TOP6BL: variants seen among roughly 807,000 people sequenced by gnomAD.
TOP6BL encodes the protein type 2 DNA topoisomerase 6 subunit B-like.
the TOP6BL span, among the ~76,000 whole-genome samples, chr11:66,837,081 T>C: frequency 6.6e-6 from 1 of 152,216 alleles, no homozygotes. Context: ...TCTCCCATTC[T>C]TGTGGATTGA....
the TOP6BL span, among the ~76,000 whole-genome samples, chr11:66,760,149 C>G: frequency 6.6e-6 from 1 of 152,106 alleles, no homozygotes; most frequent in Non-Finnish European, 1.5e-5. Context: ...TCTGTCCTTG[C>G]TTTAAGAAAA....
At chr11:66,834,541 G>A in the TOP6BL span, among the ~76,000 whole-genome samples, 1 of 152,180 alleles carries the variant, frequency 6.6e-6, no homozygotes, top group Non-Finnish European at 1.5e-5. Context: ...TAGAATAGCT[G>A]ACCTCTTGAG....
the TOP6BL span, among the ~76,000 whole-genome samples, chr11:66,745,314 T>TGGGGGG: frequency 1.8e-5 from 2 of 111,052 alleles, no homozygotes; most frequent in South Asian, 3.3e-4. Context: ...CGGGGCGGGG[T>TGGGGGG]GGGGGGAGTC....
chr11:66,779,792 G>A, the TOP6BL span, among the ~76,000 whole-genome samples: 1 of 152,076 alleles, frequency 6.6e-6, no homozygotes, highest in African/African-American at 2.4e-5. Context: ...ACTGGATTAA[G>A]AAAATGTGGC....
chr11:66,789,081 A>G, the TOP6BL span, among the ~76,000 whole-genome samples: 3 of 152,196 alleles, frequency 2.0e-5, no homozygotes, highest in Admixed American at 2.0e-4. Flanking sequence ...TTTGAGGGAC[A>G]CACTCAGTCC....
At chr11:66,801,307 C>G in the TOP6BL span, 2 of 585,624 alleles carry the variant, frequency 3.4e-6, no homozygotes, top group African/African-American at 3.7e-5. Context: ...TTCTAAATGA[C>G]CTGAAGACAT....
At chr11:66,761,866 A>G in the TOP6BL span, 6 of 945,136 alleles carry the variant, frequency 6.3e-6, no homozygotes, top group South Asian at 7.7e-5. Context: ...GGATAATGAC[A>G]GTCCAGCACA....
the TOP6BL span, chr11:66,822,539 C>A: frequency 4.2e-6 from 6 of 1,426,790 alleles, no homozygotes; most frequent in Admixed American, 7.9e-5. Context: ...CATGCAGTCT[C>A]CCCCTTACTT....
the TOP6BL span, among the ~76,000 whole-genome samples, chr11:66,797,161 G>A: frequency 3.8e-4 from 58 of 150,980 alleles, no homozygotes; most frequent in Non-Finnish European, 6.8e-4. Context: ...CACCATGCCC[G>A]GCTAATTTTT....
the TOP6BL span, chr11:66,804,268 T>C: frequency 8.8e-7 from 1 of 1,134,054 alleles, no homozygotes; most frequent in East Asian, 2.6e-5. Flanking sequence ...AAGCCTTTAG[T>C]ATGTGAATTC....
chr11:66,784,235 G>A, the TOP6BL span, among the ~76,000 whole-genome samples: 1 of 152,008 alleles, frequency 6.6e-6, no homozygotes, highest in African/African-American at 2.4e-5. Flanking sequence ...GAGTTTCACT[G>A]TGTTAGCCAG....
chr11:66,791,260 G>GAGA, the TOP6BL span, among the ~76,000 whole-genome samples: 1 of 152,102 alleles, frequency 6.6e-6, no homozygotes, highest in Non-Finnish European at 1.5e-5. Context: ...AGAGATATTG[G>GAGA]GTTTTGTGTT....
At chr11:66,831,555 TC>T in the TOP6BL span, among the ~76,000 whole-genome samples, 1 of 152,144 alleles carries the variant, frequency 6.6e-6, no homozygotes, top group Non-Finnish European at 1.5e-5. Context: ...TGCCAACTAA[TC>T]TACACAGGTC....
chr11:66,832,237 A>C, the TOP6BL span, among the ~76,000 whole-genome samples: 4 of 151,572 alleles, frequency 2.6e-5, no homozygotes, highest in Non-Finnish European at 4.4e-5. Flanking sequence ...AGCTGGGACT[A>C]CAGGCACCTG....
the TOP6BL span, among the ~76,000 whole-genome samples, chr11:66,757,297 T>C: frequency 7.2e-5 from 11 of 152,010 alleles, no homozygotes; most frequent in Non-Finnish European, 1.5e-5. Context: ...GAGCTGAGAT[T>C]GTGCCACTTC....
chr11:66,826,625 T>A, the TOP6BL span, among the ~76,000 whole-genome samples: 1 of 152,126 alleles, frequency 6.6e-6, no homozygotes, highest in Non-Finnish European at 1.5e-5. Flanking sequence ...AAGCCCTAAC[T>A]TTTGTACTAA....
chr11:66,816,229 G>A, the TOP6BL span: 1 of 1,590,362 alleles, frequency 6.3e-7, no homozygotes, highest in Non-Finnish European at 8.6e-7. Flanking sequence ...GTTGCCAGCT[G>A]GGGTGTGCCA....
chr11:66,837,519 A>G, the TOP6BL span, among the ~76,000 whole-genome samples: 7 of 146,566 alleles, frequency 4.8e-5, no homozygotes, highest in Non-Finnish European at 8.9e-5. Context: ...ATCTCAGCTC[A>G]CTGCAACATC....
At chr11:66,758,884 T>C in the TOP6BL span, among the ~76,000 whole-genome samples, 1 of 152,254 alleles carries the variant, frequency 6.6e-6, no homozygotes, top group African/African-American at 2.4e-5. Context: ...TGTACCATTA[T>C]AGTATTTCTT....
Sources: allele counts gnomAD v4.1 joint callset (sites outside exome capture counted in the v4.1 genomes callset), GRCh38; gene constraint gnomAD v4.1.1; transcripts MANE v1.5; gene names NCBI Gene and HGNC (gene_info 2026-07-23, HGNC 2026-07-21).